Variants in DCDC1 observed in about 807,000 individuals in gnomAD.
DCDC1 encodes doublecortin domain-containing protein 1.
A neutral mutation model predicts 178.3 loss-of-function variants in DCDC1; 200 were observed. The ratio of observed to expected loss-of-function variants is 1.12; its 90% CI spans 1.00 to 1.26. The LOEUF is 1.26. Ranked by LOEUF, DCDC1 falls within the 50% of genes most tolerant of loss-of-function variation. The pLI is 0.00. For missense variants in DCDC1, 1,983 were observed against 1,749.2 expected (o/e 1.13, Z -2.38); for synonymous variants, 690 against 604.8 (o/e 1.14, Z -2.07).
At chr11:31,106,561 G>C (rs1958862497) in intron 13 of DCDC1, among the ~76,000 whole-genome samples, 1 of 152,202 alleles carries the variant, frequency 6.6e-6, no homozygotes, top group Non-Finnish European at 1.5e-5. Context: ...CTGACAGGCA[G>C]ACTTCAAGAA....
intron 18 of DCDC1, among the ~76,000 whole-genome samples, chr11:31,071,296 C>T (rs1956545305): frequency 6.6e-6 from 1 of 152,076 alleles, no homozygotes; most frequent in Non-Finnish European, 1.5e-5. Flanking sequence ...GATTTCTTAA[C>T]CTGTTTTCAA....
chr11:31,255,984 T>G (rs1296593159), intron 8 of DCDC1, among the ~76,000 whole-genome samples: 2 of 152,196 alleles, frequency 1.3e-5, no homozygotes, highest in East Asian at 1.9e-4. Flanking sequence ...TGATCCATAT[T>G]GAGTTAATTC....
At position 30,920,868 on chromosome 11, in the gene DCDC1, T is replaced by A. The variant is rs1248673186; in HGVS notation, c.3201A>T (p.Ala1067=). The A allele has an allele frequency of 6.2e-7, 1 of 1,613,536 alleles. No homozygotes were observed. Among genetic ancestry groups the A allele is most frequent in the Admixed American group, 1.7e-5 (1 of 59,942 alleles). The change falls in exon 25 of 39, where the codon GCA becomes GCT. Residue 1067 remains alanine, a synonymous_variant. Transcript: ENST00000684477. ...TAACTTGCTTCTCTTCTCCAAAAAT[T>A]GCTACAGGTTTATGCACAGCAAGCT... ...GSKLAVHKPV[A]IFGEEKQVTE...
chr11:31,217,934 G>C (rs1973783542), intron 9 of DCDC1, among the ~76,000 whole-genome samples: 1 of 152,022 alleles, frequency 6.6e-6, no homozygotes, highest in Non-Finnish European at 1.5e-5. Flanking sequence ...CAAAGATAGT[G>C]TGTCCAATCT....
In DCDC1 at chr11:31,134,704, G is replaced by C. The variant is rs77760844; in HGVS notation, c.1314+2988C>G. On this transcript the variant is annotated intron_variant, in intron 10 of 38. Coordinates refer to ENST00000684477, the MANE Select transcript of DCDC1 (RefSeq NM_001387274.1). ...TAAGTCATATGCAAATTTCCAAAAG[G>C]CTTAATGTGGCTGGGCATAGTAGCT... Among the ~76,000 whole-genome samples the C allele has an allele frequency of 6.0e-3, 911 of 152,206 alleles. 11 individuals carry two copies. Among genetic ancestry groups the C allele is most frequent in the African/African-American group, 0.021 (876 of 41,532 alleles).
chr11:31,342,270 A>G lies in DCDC1; in HGVS notation c.-124-6706T>C, dbSNP rs11031362. Among the ~76,000 whole-genome samples the G allele has an allele frequency of 4.6e-3, 695 of 152,326 alleles. 6 individuals are homozygous for G. Among genetic ancestry groups the G allele is most frequent in the African/African-American group, 0.016 (669 of 41,572 alleles). On this transcript the variant is annotated intron_variant, in intron 1 of 38. Coordinates refer to ENST00000684477, the MANE Select transcript of DCDC1 (RefSeq NM_001387274.1). ...ATATAACTAACTTACACGCACAAAC[A>G]TTATGGAGGAATTCATACCTATTGA...
intron 20 of DCDC1, among the ~76,000 whole-genome samples, chr11:30,958,764 A>T (rs1948911521): frequency 6.6e-6 from 1 of 152,154 alleles, no homozygotes; most frequent in Admixed American, 6.6e-5. Flanking sequence ...TTTGCTGGGT[A>T]CTGATTTTCA....
intron 2 of DCDC1, among the ~76,000 whole-genome samples, chr11:31,331,064 T>G (rs1436759568): frequency 6.6e-6 from 1 of 152,226 alleles, no homozygotes; most frequent in Non-Finnish European, 1.5e-5. Flanking sequence ...TTTTATTTCT[T>G]TGAACGGTGG....
chr11:30,895,709 T>A (rs1400480855), intron 34 of DCDC1, among the ~76,000 whole-genome samples: 5 of 152,188 alleles, frequency 3.3e-5, no homozygotes, highest in Non-Finnish European at 5.9e-5. Flanking sequence ...CATAATTGAA[T>A]CAATCAGTCA....
intron 20 of DCDC1, among the ~76,000 whole-genome samples, chr11:31,035,150 T>C (rs1953938601): frequency 6.6e-6 from 1 of 152,224 alleles, no homozygotes; most frequent in Admixed American, 6.5e-5. Flanking sequence ...ATTTTAGACT[T>C]ACAGAAGACC....
chr11:31,279,788 T>C (rs1217864468), intron 7 of DCDC1, among the ~76,000 whole-genome samples: 2 of 152,040 alleles, frequency 1.3e-5, no homozygotes, highest in African/African-American at 2.4e-5. Context: ...CTAATGTAGA[T>C]GACAGTTTGA....
chr11:31,312,345 T>C (rs1479108481), intron 3 of DCDC1, among the ~76,000 whole-genome samples: 1 of 152,194 alleles, frequency 6.6e-6, no homozygotes, highest in Non-Finnish European at 1.5e-5. Context: ...CTTTTCCAGA[T>C]GAGTAAACCA....
chr11:31,014,610 A>T (rs1952371082), intron 20 of DCDC1, among the ~76,000 whole-genome samples: 1 of 152,156 alleles, frequency 6.6e-6, no homozygotes, highest in Non-Finnish European at 1.5e-5. Context: ...AGAACATATT[A>T]CTTATTCAAA....
chr11:31,155,443 C>G (rs971227723), intron 9 of DCDC1, among the ~76,000 whole-genome samples: 2 of 152,186 alleles, frequency 1.3e-5, no homozygotes, highest in Non-Finnish European at 2.9e-5. Context: ...ACCCATTTCT[C>G]AAGACACAAA....
chr11:31,159,162 CA>C (rs1409795287), intron 9 of DCDC1, among the ~76,000 whole-genome samples: 4 of 152,076 alleles, frequency 2.6e-5, no homozygotes, highest in African/African-American at 9.7e-5. Context: ...TTTTTATTGT[CA>C]AATAATTAAT....
intron 9 of DCDC1, among the ~76,000 whole-genome samples, chr11:31,204,577 C>T (rs1372298073): frequency 4.5e-4 from 69 of 152,172 alleles, no homozygotes; most frequent in Admixed American, 4.4e-3. Context: ...AATCCCAGCA[C>T]TTTGGGAGGC....
intron 20 of DCDC1, among the ~76,000 whole-genome samples, chr11:31,048,852 G>A (rs1443324637): frequency 1.3e-5 from 2 of 151,278 alleles, no homozygotes; most frequent in Non-Finnish European, 2.9e-5. Flanking sequence ...GCAAGACTCC[G>A]TCTCAAAAAA....
chr11:30,919,031 C>G (rs924905838), intron 25 of DCDC1, among the ~76,000 whole-genome samples: 7 of 152,002 alleles, frequency 4.6e-5, no homozygotes, highest in African/African-American at 1.7e-4. Context: ...GCAAAAAACT[C>G]CAAACAAGCA....
intron 20 of DCDC1, among the ~76,000 whole-genome samples, chr11:31,058,361 G>A (rs983812200): frequency 1.3e-5 from 2 of 152,042 alleles, no homozygotes; most frequent in Admixed American, 6.6e-5. Flanking sequence ...GGTATGTTCC[G>A]GCCCTGGAGG....
Sources: gnomAD v4.1 joint callset for allele counts (sites outside exome capture counted in the v4.1 genomes callset) on GRCh38, gnomAD v4.1.1 for gene constraint, MANE v1.5 for transcripts, NCBI Gene and HGNC (gene_info 2026-07-23, HGNC 2026-07-21) for gene names.